NELL1: variants seen among roughly 807,000 people sequenced by gnomAD.
NELL1 encodes the protein neural EGFL like 1, also known as protein kinase C-binding protein NELL1.
A neutral mutation model predicts 107.4 loss-of-function variants in NELL1; 76 were observed. The ratio of observed to expected loss-of-function variants is 0.71; its 90% confidence interval spans 0.59 to 0.86. NELL1 has a LOEUF of 0.86. Among genes scored for constraint, NELL1 ranks in the 40% least tolerant of loss-of-function variants. The pLI, the probability that NELL1 is intolerant of heterozygous loss-of-function variation, is 0.00. For missense variants in NELL1, 1,024 were observed against 1,005.5 expected (o/e 1.02, Z -0.25); for synonymous variants, 353 against 341.2 (o/e 1.03, Z -0.38).
intron 12 of NELL1, among the ~76,000 whole-genome samples, chr11:21,001,160 CA>C (rs1852210956): frequency 6.6e-6 from 1 of 152,162 alleles, no homozygotes; most frequent in Admixed American, 6.5e-5. Context: ...CCTATCCCAT[CA>C]TTATTATTAT....
chr11:21,282,478 CAAA>C (rs35632941), intron 14 of NELL1, among the ~76,000 whole-genome samples: 7 of 74,450 alleles, frequency 9.4e-5, no homozygotes, highest in Middle Eastern at 6.9e-3. Flanking sequence ...GACTCTGTCT[CAAA>C]AAAAAAAAAA....
At chr11:20,876,082 C>T (rs1849299233) in intron 4 of NELL1, among the ~76,000 whole-genome samples, 1 of 152,236 alleles carries the variant, frequency 6.6e-6, no homozygotes, top group East Asian at 1.9e-4. Context: ...TCCTTGCAGA[C>T]TTCAACTGTG....
At chr11:20,895,345 T>C (rs941730276) in intron 5 of NELL1, among the ~76,000 whole-genome samples, 1 of 139,732 alleles carries the variant, frequency 7.2e-6, no homozygotes, top group Non-Finnish European at 1.5e-5. Flanking sequence ...ACTGTGTATA[T>C]GTACCCTTTA....
intron 15 of NELL1, among the ~76,000 whole-genome samples, chr11:21,520,128 ATACATC>A: frequency 6.6e-6 from 1 of 152,294 alleles, no homozygotes; most frequent in South Asian, 2.1e-4. Context: ...TCTTCCGCCA[ATACATC>A]CATCTCACAA....
intron 13 of NELL1, among the ~76,000 whole-genome samples, chr11:21,136,136 T>G (rs556246196): frequency 7.2e-5 from 11 of 152,296 alleles, no homozygotes; most frequent in African/African-American, 2.4e-4. Flanking sequence ...CAGTAGCCTA[T>G]TTGAGTGAAA....
chr11:21,326,784 T>C (rs1210430337), intron 14 of NELL1, among the ~76,000 whole-genome samples: 1 of 152,106 alleles, frequency 6.6e-6, no homozygotes, highest in Non-Finnish European at 1.5e-5. Context: ...ACTTAAAACA[T>C]GTCATTCTTT....
chr11:20,797,875 T>G (rs1281368226), intron 3 of NELL1, among the ~76,000 whole-genome samples: 1 of 152,194 alleles, frequency 6.6e-6, no homozygotes, highest in Non-Finnish European at 1.5e-5. Flanking sequence ...TTGCATTTAC[T>G]TTGTCCAAGT....
At chr11:21,236,835 TA>T (rs1858220014) in intron 14 of NELL1, among the ~76,000 whole-genome samples, 1 of 152,132 alleles carries the variant, frequency 6.6e-6, no homozygotes, top group African/African-American at 2.4e-5. Context: ...GACAAGTTAC[TA>T]AACACACGTT....
Position 21,364,327 on chromosome 11 carries a change from C to G in NELL1, c.1550-6526C>G, listed in dbSNP as rs535522076. On this transcript the variant is annotated intron_variant, in intron 14 of 19. Coordinates refer to ENST00000357134, the MANE Select transcript of NELL1 (RefSeq NM_006157.5). ...TCGGGAGGCCGAGGCAGTAGAATGG[C>G]ATGAACCCATGAGACAGAGGTTGCA... 2.1e-3 allele frequency among the ~76,000 whole-genome samples: 282 copies of G among 137,112 alleles called. 5 individuals are homozygous for G. The highest frequency in any genetic ancestry group is 7.6e-3 in the African/African-American group (272 of 35,598). The allele number at this position is 137,112 out of a possible 152,430, so 90.0% of individuals were successfully genotyped here. A position where few individuals can be genotyped will look rare whatever the true frequency, so the allele number is the denominator to read the frequency against.
Position 20,801,499 on chromosome 11 carries a change from G to A in NELL1, c.335+17669G>A, listed in dbSNP as rs144539926. Among the ~76,000 whole-genome samples, 425 of 152,198 alleles carry A rather than the reference G, an allele frequency of 2.8e-3. 1 individual carries two copies. Among genetic ancestry groups the A allele is most frequent in the African/African-American group, 8.8e-3 (367 of 41,548 alleles). On this transcript the variant is annotated intron_variant, in intron 3 of 19. Coordinates refer to ENST00000357134, the MANE Select transcript of NELL1 (RefSeq NM_006157.5). Reference sequence around the variant, plus strand: ...TCATCCTTTGTCAGATGGGTAGTTTGCAAATATTTTCTCCCTTTATGTGGG... The same window carrying A: ...TCATCCTTTGTCAGATGGGTAGTTTACAAATATTTTCTCCCTTTATGTGGG...
At chr11:21,049,213 C>T (rs1225734720) in intron 12 of NELL1, among the ~76,000 whole-genome samples, 3 of 152,184 alleles carry the variant, frequency 2.0e-5, no homozygotes, top group Non-Finnish European at 1.5e-5. Flanking sequence ...CTCTTCTCCA[C>T]TAAGGGAAAT....
At chr11:20,798,952 T>C (rs909156072) in intron 3 of NELL1, among the ~76,000 whole-genome samples, 1 of 151,928 alleles carries the variant, frequency 6.6e-6, no homozygotes, top group African/African-American at 2.4e-5. Context: ...GCTTTTATTC[T>C]AGTGGGGTGA....
intron 12 of NELL1, among the ~76,000 whole-genome samples, chr11:21,034,448 C>T (rs1853038507): frequency 6.6e-6 from 1 of 152,176 alleles, no homozygotes; most frequent in Non-Finnish European, 1.5e-5. Context: ...AATATACATT[C>T]TTCTCATTGC....
intron 14 of NELL1, among the ~76,000 whole-genome samples, chr11:21,313,576 A>C (rs1034130040): frequency 6.6e-6 from 1 of 152,262 alleles, no homozygotes; most frequent in South Asian, 2.1e-4. Context: ...GATACTAGGT[A>C]GTTTATAAAG....
chr11:21,123,358 TGTGTG>T (rs1365478213), intron 13 of NELL1, among the ~76,000 whole-genome samples: 2 of 137,360 alleles, frequency 1.5e-5, no homozygotes, highest in African/African-American at 5.2e-5. Context: ...TGTGTGTGTG[TGTGTG>T]TGTGCGTTTC....
chr11:20,902,654 A>G (rs1222111370), intron 5 of NELL1, among the ~76,000 whole-genome samples: 2 of 152,080 alleles, frequency 1.3e-5, no homozygotes, highest in Non-Finnish European at 2.9e-5. Context: ...CCAGGTATAT[A>G]TGTATAAGCA....
At chr11:21,281,114 C>T (rs1471096825) in intron 14 of NELL1, among the ~76,000 whole-genome samples, 1 of 151,694 alleles carries the variant, frequency 6.6e-6, no homozygotes, top group African/African-American at 2.4e-5. Flanking sequence ...GATACCAGCT[C>T]AGTCACAGTA....
At chr11:20,854,479 GTT>G (rs1163643652) in intron 4 of NELL1, among the ~76,000 whole-genome samples, 3 of 152,122 alleles carry the variant, frequency 2.0e-5, no homozygotes, top group Admixed American at 2.0e-4. Context: ...ACCTACAGGG[GTT>G]TGCAGTCATC....
In NELL1 at chr11:21,487,160, C is replaced by A. The variant is rs12575106; in HGVS notation, c.1646-47214C>A. Among the ~76,000 whole-genome samples, 3,217 of 152,180 alleles carry A rather than the reference C, an allele frequency of 0.021. 296 individuals carry two copies. In the East Asian group the frequency reaches 0.29, roughly 14 times the overall value. On this transcript the variant is annotated intron_variant, in intron 15 of 19. Coordinates refer to ENST00000357134, the MANE Select transcript of NELL1 (RefSeq NM_006157.5). ...AACTCCATAAAGGTCTTCTCTGTGA[C>A]ACATTATAGTCAAACTGTCTAAAGC...
Sources: allele counts gnomAD v4.1 joint callset (sites outside exome capture counted in the v4.1 genomes callset), GRCh38; gene constraint gnomAD v4.1.1; transcripts MANE v1.5; gene names NCBI Gene and HGNC (gene_info 2026-07-23, HGNC 2026-07-21).